Variants in ATAD1 observed in about 807,000 individuals in gnomAD.
The protein encoded by ATAD1 is outer mitochondrial transmembrane helix translocase.
ATAD1 carries 18 observed loss-of-function variants against 42.7 expected under a neutral mutation model. That is an observed-to-expected ratio of 0.42 (90% CI 0.29 to 0.63). The LOEUF (loss-of-function observed/expected upper bound fraction) is 0.63, where lower values mean the gene tolerates loss of function less well. Ranked by LOEUF, ATAD1 falls within the 20% of genes least tolerant of loss-of-function variation. The probability of loss-of-function intolerance (pLI) is 0.19; values close to 1 mark genes in which losing one functional copy is unlikely to be tolerated. For synonymous variants in ATAD1, 132 were observed against 143.1 expected, an observed-to-expected ratio of 0.92 and a Z score of 0.55; for missense variants, 294 against 440.4, an observed-to-expected ratio of 0.67 and a Z score of 2.98.
At chr10:87,780,282 A>C (rs1855505007) in intron 5 of ATAD1, among the ~76,000 whole-genome samples, 2 of 152,236 alleles carry the variant, frequency 1.3e-5, no homozygotes, top group African/African-American at 4.8e-5. Flanking sequence ...GTAAAAAAAG[A>C]TCAGCGGATG....
chr10:87,787,321 T>C (rs1855885990), intron 4 of ATAD1, among the ~76,000 whole-genome samples: 1 of 152,142 alleles, frequency 6.6e-6, no homozygotes, highest in African/African-American at 2.4e-5. Context: ...TATATGCAAA[T>C]AAAAGATTTA....
chr10:87,830,733 C>T (rs1022215577), intron 1 of ATAD1, among the ~76,000 whole-genome samples: 1 of 152,100 alleles, frequency 6.6e-6, no homozygotes, highest in African/African-American at 2.4e-5. Flanking sequence ...TTGTTAATTC[C>T]ATTGTCTATT....
chr10:87,775,514 TAAAAAA>T (rs5786793), intron 6 of ATAD1, among the ~76,000 whole-genome samples: 1 of 110,582 alleles, frequency 9.0e-6, no homozygotes, highest in Non-Finnish European at 1.8e-5. Flanking sequence ...AGTGATTCAT[TAAAAAA>T]AAAAAAAAAA....
chr10:87,768,941 C>T lies in ATAD1; in HGVS notation c.781-1218G>A, dbSNP rs1055784638. On this transcript the variant is annotated intron_variant, in intron 7 of 9. Coordinates refer to ENST00000680024, the MANE Select transcript of ATAD1 (RefSeq NM_001321967.2). ...TAAAAAAATTCAAAAATTAGCCAAA[C>T]GTGGTGGTGCATGCCTATAGTCCTA... 3.3e-5 allele frequency among the ~76,000 whole-genome samples: 5 copies of T among 152,002 alleles called. No homozygotes were observed. In the East Asian group the frequency reaches 5.8e-4, roughly 18 times the overall value.
At chr10:87,810,583 T>A (rs1857134301) in intron 2 of ATAD1, among the ~76,000 whole-genome samples, 1 of 152,208 alleles carries the variant, frequency 6.6e-6, no homozygotes, top group African/African-American at 2.4e-5. Flanking sequence ...GAATCTTTCA[T>A]CATTTATGTA....
intron 4 of ATAD1, 53 bp downstream of exon 4, chr10:87,790,257 T>A: frequency 6.3e-7 from 1 of 1,582,672 alleles, no homozygotes. Context: ...GCAGAAAGTT[T>A]CAATGTTTTC....
rs1392204917 is a variant in ATAD1, at chr10:87,753,895, C to T, written c.*792G>A. 1.3e-5 allele frequency: 2 copies of T among 152,552 alleles called. No individual in the cohort carries two copies. Among genetic ancestry groups the T allele is most frequent in the Non-Finnish European group, 1.5e-5 (1 of 68,010 alleles). The allele number at this position is 152,552 out of a possible 1,614,324, so 9.4% of individuals were successfully genotyped here. A position where few individuals can be genotyped will look rare whatever the true frequency, so the allele number is the denominator to read the frequency against. Reference sequence around the variant, plus strand: ...TTCTTTTGAAAGGCCTTTTAATCCACTTTCATGTAAACCAATTTAAATTTA... The same window carrying T: ...TTCTTTTGAAAGGCCTTTTAATCCATTTTCATGTAAACCAATTTAAATTTA... On this transcript the variant is annotated 3_prime_UTR_variant, in exon 10 of 10. Coordinates refer to ENST00000680024, the MANE Select transcript of ATAD1 (RefSeq NM_001321967.2).
intron 5 of ATAD1, among the ~76,000 whole-genome samples, chr10:87,778,659 G>A (rs1855427525): frequency 6.6e-6 from 1 of 152,130 alleles, no homozygotes; most frequent in South Asian, 2.1e-4. Context: ...GCATCATGTT[G>A]TTGCTCAAAA....
At chr10:87,818,290 C>A (rs888493399), upstream of ATAD1, 16 of 983,954 alleles carry the variant, frequency 1.6e-5, no homozygotes, top group Middle Eastern at 1.0e-3. Context: ...GCATGCGCGA[C>A]CCGCGGTCGC....
At chr10:87,815,736 A>G (rs1012206379) in intron 1 of ATAD1, among the ~76,000 whole-genome samples, 4 of 152,026 alleles carry the variant, frequency 2.6e-5, no homozygotes, top group African/African-American at 9.7e-5. Flanking sequence ...CCTCCACTCA[A>G]GGATATATAC....
At chr10:87,814,638 C>T in intron 1 of ATAD1, 26 bp from the exon 2 acceptor site, 1 of 1,550,818 alleles carries the variant, frequency 6.4e-7, no homozygotes, top group African/African-American at 1.4e-5. Context: ...AGAAATGTCA[C>T]TAGGTAATAA....
At chr10:87,820,295 C>T (rs1171850713), upstream of ATAD1, among the ~76,000 whole-genome samples, 4 of 152,038 alleles carry the variant, frequency 2.6e-5, no homozygotes, top group Non-Finnish European at 5.9e-5. Flanking sequence ...TAATTATATC[C>T]ACTGGTAAGG....
intron 1 of ATAD1, among the ~76,000 whole-genome samples, chr10:87,815,652 A>G (rs1024324802): frequency 5.9e-5 from 9 of 152,010 alleles, no homozygotes; most frequent in Non-Finnish European, 1.0e-4. Context: ...CACTACTACT[A>G]AATTAAAGAG....
upstream of ATAD1, among the ~76,000 whole-genome samples, chr10:87,823,216 T>A (rs1857663148): frequency 6.6e-6 from 1 of 152,142 alleles, no homozygotes; most frequent in East Asian, 1.9e-4. Context: ...AAGTTATATA[T>A]AATTTTCTTG....
chr10:87,777,612 TA>T (rs1199400241), intron 5 of ATAD1, among the ~76,000 whole-genome samples: 1 of 151,546 alleles, frequency 6.6e-6, no homozygotes, highest in African/African-American at 2.4e-5. Context: ...AAAAAAACAG[TA>T]AAAATAAATC....
intron 2 of ATAD1, among the ~76,000 whole-genome samples, chr10:87,814,116 T>C (rs899340500): frequency 1.3e-5 from 2 of 152,136 alleles, no homozygotes; most frequent in Non-Finnish European, 2.9e-5. Flanking sequence ...TTACTGAAGA[T>C]AAATATTTTG....
intron 4 of ATAD1, among the ~76,000 whole-genome samples, chr10:87,788,605 C>CT (rs1197619300): frequency 4.6e-5 from 7 of 152,158 alleles, no homozygotes; most frequent in African/African-American, 1.7e-4. Context: ...ATCCACTCTG[C>CT]TAAATGGGTC....
intron 2 of ATAD1, among the ~76,000 whole-genome samples, chr10:87,803,431 A>C (rs997812327): frequency 6.6e-6 from 1 of 152,256 alleles, no homozygotes; most frequent in African/African-American, 2.4e-5. Context: ...TCTGCCTTCC[A>C]TTCTATTCAA....
chr10:87,767,814 G>C, intron 7 of ATAD1, 91 bp from the exon 8 acceptor site: 1 of 1,263,374 alleles, frequency 7.9e-7, no homozygotes, highest in Non-Finnish European at 1.1e-6. Flanking sequence ...CCCTTCTAAA[G>C]TCTCTCTCAA....
Sources: gnomAD v4.1 joint callset for allele counts (sites outside exome capture counted in the v4.1 genomes callset) on GRCh38, gnomAD v4.1.1 for gene constraint, MANE v1.5 for transcripts, NCBI Gene and HGNC (gene_info 2026-07-23, HGNC 2026-07-21) for gene names.